The following RIC3 variants were observed in gnomAD, a reference collection of about 807,000 sequenced individuals.
RIC3 encodes RIC3 acetylcholine receptor chaperone, also known as protein RIC-3.
A neutral mutation model predicts 27.3 loss-of-function variants in RIC3; 28 were observed. The ratio of observed to expected loss-of-function variants is 1.02; its 90% CI spans 0.76 to 1.41. The LOEUF is 1.41. Ranked by LOEUF, RIC3 falls within the 40% of genes most tolerant of loss-of-function variation. The pLI is 0.00. For missense variants in RIC3, 501 were observed against 444.7 expected, an observed-to-expected ratio of 1.13 and a Z score of -1.14; for synonymous variants, 184 against 160.4, an observed-to-expected ratio of 1.15 and a Z score of -1.11.
the RIC3 span, chr11:8,093,902 G>A: frequency 4.4e-6 from 4 of 914,104 alleles, no homozygotes; most frequent in South Asian, 4.6e-5. Context: ...GCCTGATCCT[G>A]TGGGCTGTAG....
Position 8,126,683 on chromosome 11 carries a change from C to G in RIC3, c.646G>C (p.Ala216Pro). 6.2e-7 allele frequency: 1 copy of G among 1,614,126 alleles called. No homozygotes were observed. Among genetic ancestry groups the G allele is most frequent in the Non-Finnish European group, 8.5e-7 (1 of 1,180,000 alleles). ...RFSPEKEAEE[A>P]PYMEDWEGYP... The stretch of plus-strand genomic sequence containing the variant: ...CCTTCCCAGTCCTCCATGTAAGGGG[C>G]CTCCTCAGCTTCTTTCTCTGGAGAA... Residue 216 changes from alanine to proline, a missense_variant, in exon 5 of 6, where the codon GCC (alanine) becomes CCC (proline). Physicochemically the swap from Ala to Pro is conservative, Grantham distance 27. Transcript: ENST00000309737.
intron 1 of RIC3, among the ~76,000 whole-genome samples, chr11:8,151,604 A>AAAAAAAAAAAG (rs1950237300): frequency 6.8e-6 from 1 of 146,808 alleles, no homozygotes; most frequent in Non-Finnish European, 1.5e-5. Flanking sequence ...AAAAAAGACA[A>AAAAAAAAAAAG]ATAAACCAAG....
chr11:8,100,533 C>T, the RIC3 span: 44 of 1,613,972 alleles, frequency 2.7e-5, no homozygotes, highest in Non-Finnish European at 3.1e-5. Context: ...CAAGGGGCCT[C>T]GGAAGATGAG....
rs1329102883 is a variant in RIC3, at chr11:8,140,131, G to A, written c.187C>T (p.Pro63Ser). The A allele has an allele frequency of 6.2e-7, 1 of 1,614,084 alleles. No homozygotes were observed. The change falls in exon 2 of 6, where the codon CCT becomes TCT. Residue 63 changes from proline (P) to serine (S), a missense_variant. Transcript: ENST00000309737. ...HHQAPSDGQT[P>S]GARFQRSHLA... Reference sequence around the variant, plus strand: ...TGAGACCTCTGGAAACGAGCCCCAGGAGTCTGGCCATCTGAGGGTGCCTGG... The same window carrying A: ...TGAGACCTCTGGAAACGAGCCCCAGAAGTCTGGCCATCTGAGGGTGCCTGG...
chr11:8,096,886 G>A, the RIC3 span: 1 of 1,517,082 alleles, frequency 6.6e-7, no homozygotes, highest in Non-Finnish European at 9.1e-7. Context: ...TGAAGAGATG[G>A]ACTCGTATGC....
At chr11:8,158,878 A>C (rs1950922590) in intron 1 of RIC3, among the ~76,000 whole-genome samples, 3 of 138,932 alleles carry the variant, frequency 2.2e-5, no homozygotes. Context: ...GATTACAGGC[A>C]TCTGCCACCA....
intron 1 of RIC3, among the ~76,000 whole-genome samples, chr11:8,155,943 G>C (rs1289348228): frequency 1.3e-5 from 2 of 152,204 alleles, no homozygotes; most frequent in Middle Eastern, 6.8e-3. Context: ...TCTCCTCCAA[G>C]GGCCCTATCT....
chr11:8,129,534 A>C (rs987453607), intron 4 of RIC3, among the ~76,000 whole-genome samples: 1 of 151,904 alleles, frequency 6.6e-6, no homozygotes, highest in Non-Finnish European at 1.5e-5. Context: ...CAGGATCGTG[A>C]GCAACTGCAT....
chr11:8,111,445 AC>A (rs1159573998), intron 5 of RIC3, among the ~76,000 whole-genome samples: 3 of 152,226 alleles, frequency 2.0e-5, no homozygotes, highest in Non-Finnish European at 2.9e-5. Flanking sequence ...TAAACAAACA[AC>A]ATGAGCCTTT....
At chr11:8,163,069 C>CA (rs1565138023) in intron 1 of RIC3, among the ~76,000 whole-genome samples, 12,943 of 138,100 alleles carry the variant, frequency 0.094, 584 homozygotes, top group Middle Eastern at 0.13. Flanking sequence ...ACACACACAC[C>CA]CCCCAAAACA....
At chr11:8,154,830 A>C (rs192739571) in intron 1 of RIC3, among the ~76,000 whole-genome samples, 51 of 152,354 alleles carry the variant, frequency 3.3e-4, no homozygotes, top group African/African-American at 1.1e-3. Context: ...TAGGTTTTCT[A>C]ATCTAGAAAA....
intron 5 of RIC3, among the ~76,000 whole-genome samples, chr11:8,120,637 T>G (rs767085680): frequency 2.0e-5 from 3 of 151,860 alleles, no homozygotes; most frequent in Non-Finnish European, 2.9e-5. Flanking sequence ...GTAACAAACC[T>G]GCACGTTGTA....
At chr11:8,157,249 C>G (rs1193183859) in intron 1 of RIC3, among the ~76,000 whole-genome samples, 1 of 152,200 alleles carries the variant, frequency 6.6e-6, no homozygotes, top group African/African-American at 2.4e-5. Context: ...GTAATGTGAA[C>G]GATGGGGCTG....
At chr11:8,112,825 G>C (rs1391452273) in intron 5 of RIC3, among the ~76,000 whole-genome samples, 1 of 152,074 alleles carries the variant, frequency 6.6e-6, no homozygotes, top group African/African-American at 2.4e-5. Context: ...CCTATTATAA[G>C]TAGTATACAA....
At chr11:8,147,883 A>G (rs1034211366) in intron 1 of RIC3, among the ~76,000 whole-genome samples, 1 of 151,966 alleles carries the variant, frequency 6.6e-6, no homozygotes, top group African/African-American at 2.4e-5. Context: ...ATGTGCCACC[A>G]CGCCCAACTA....
intron 5 of RIC3, among the ~76,000 whole-genome samples, chr11:8,114,788 T>TA (rs56735463): frequency 6.6e-6 from 1 of 151,374 alleles, no homozygotes; most frequent in South Asian, 2.1e-4. Flanking sequence ...GAAATTATAT[T>TA]AAAAAAATCA....
intron 1 of RIC3, among the ~76,000 whole-genome samples, chr11:8,163,069 C>CACA (rs1565138023): frequency 4.3e-4 from 60 of 138,254 alleles, no homozygotes; most frequent in Admixed American, 8.7e-4. Flanking sequence ...ACACACACAC[C>CACA]CCCCAAAACA....
At chr11:8,123,035 G>T (rs984920924) in intron 5 of RIC3, among the ~76,000 whole-genome samples, 2 of 151,934 alleles carry the variant, frequency 1.3e-5, no homozygotes, top group Non-Finnish European at 2.9e-5. Context: ...ATGAATAAAT[G>T]AGACATAAAA....
intron 5 of RIC3, among the ~76,000 whole-genome samples, chr11:8,123,264 A>G (rs923608335): frequency 6.6e-6 from 1 of 152,138 alleles, no homozygotes; most frequent in African/African-American, 2.4e-5. Context: ...GGAGAGCCAG[A>G]AGGAAATAAA....
Sources: gnomAD v4.1 joint callset for allele counts (sites outside exome capture counted in the v4.1 genomes callset) on GRCh38, gnomAD v4.1.1 for gene constraint, MANE v1.5 for transcripts, NCBI Gene and HGNC (gene_info 2026-07-23, HGNC 2026-07-21) for gene names.